The following NMNAT2 variants were observed in gnomAD, a reference collection of about 807,000 sequenced individuals.
The protein encoded by NMNAT2 is nicotinamide nucleotide adenylyltransferase 2, also known as nicotinamide/nicotinic acid mononucleotide adenylyltransferase 2.
Under a neutral mutation model 41.6 loss-of-function variants are expected in NMNAT2, and 11 were observed. The observed-to-expected ratio is 0.26, with a 90% confidence interval of 0.17 to 0.44. The LOEUF (loss-of-function observed/expected upper bound fraction) is 0.44. Among genes scored for constraint, NMNAT2 ranks in the 20% least tolerant of loss-of-function variants. The pLI, the probability that NMNAT2 is intolerant of heterozygous loss-of-function variation, is 1.00. For missense variants in NMNAT2, 288 were observed against 407.7 expected (o/e 0.71, Z 2.53); for synonymous variants, 148 against 151.2 (o/e 0.98, Z 0.16).
intron 1 of NMNAT2, among the ~76,000 whole-genome samples, chr1:183,384,192 C>A (rs767723827): frequency 2.0e-5 from 3 of 149,110 alleles, no homozygotes; most frequent in Non-Finnish European, 4.4e-5. Context: ...CAAGGAGGCG[C>A]TACACACTTT....
intron 2 of NMNAT2, 89 bp from the exon 3 acceptor site, chr1:183,292,946 G>C: frequency 1.6e-6 from 2 of 1,232,076 alleles, no homozygotes; most frequent in East Asian, 2.3e-5. Flanking sequence ...CATTGTTAAA[G>C]TGCAGCCATT....
chr1:183,341,846 A>G (rs537630), intron 1 of NMNAT2, among the ~76,000 whole-genome samples: 106,894 of 151,092 alleles, frequency 0.71, 37,964 homozygotes, highest in East Asian at 0.9. Context: ...TTTCAGGAGC[A>G]CACAGGAAAG....
At chr1:183,362,435 G>GGCCC (rs1363723202) in intron 1 of NMNAT2, among the ~76,000 whole-genome samples, 2 of 152,116 alleles carry the variant, frequency 1.3e-5, no homozygotes, top group African/African-American at 4.8e-5. Flanking sequence ...ACCGCCCCCT[G>GGCCC]GCCCTGCAGT....
chr1:183,397,370 G>GT (rs1648677670), intron 1 of NMNAT2, among the ~76,000 whole-genome samples: 1 of 152,100 alleles, frequency 6.6e-6, no homozygotes, highest in South Asian at 2.1e-4. Flanking sequence ...AGAAAAAAGA[G>GT]TAAAAAGAAA....
chr1:183,388,179 A>G (rs1365892835), intron 1 of NMNAT2, among the ~76,000 whole-genome samples: 3 of 152,214 alleles, frequency 2.0e-5, no homozygotes, highest in Non-Finnish European at 4.4e-5. Flanking sequence ...GAAACCATGG[A>G]CCTAACCATT....
At chr1:183,308,811 T>C (rs1177284709) in intron 1 of NMNAT2, among the ~76,000 whole-genome samples, 2 of 152,094 alleles carry the variant, frequency 1.3e-5, no homozygotes, top group Non-Finnish European at 2.9e-5. Context: ...GCTAGGGAGA[T>C]AAGCAAATGG....
intron 1 of NMNAT2, among the ~76,000 whole-genome samples, chr1:183,330,970 CCT>C (rs1246776694): frequency 6.6e-6 from 1 of 152,136 alleles, no homozygotes; most frequent in Non-Finnish European, 1.5e-5. Flanking sequence ...GAAGGAGCCT[CCT>C]CTGTTTCTTT....
rs5779162 is a variant in NMNAT2, at chr1:183,305,105, CT to C, written c.86-11313del. On this transcript the variant is annotated intron_variant, in intron 1 of 10. Coordinates refer to ENST00000287713, the MANE Select transcript of NMNAT2 (RefSeq NM_015039.4). ...GGAATTCGCCCATTGTTGAAAAAGC[CT>C]TTTTTTTTTTTTTGGTATTTATTTC... Among the ~76,000 whole-genome samples the C allele has an allele frequency of 5.1e-3, 717 of 140,062 alleles. 2 individuals carry two copies. Among genetic ancestry groups the C allele is most frequent in the Admixed American group, 0.014 (192 of 13,878 alleles). The allele number at this position is 140,062 out of a possible 152,430, so 91.9% of individuals were successfully genotyped here.
At chr1:183,262,837 CAGATGGGGGAAG>C (rs1188084778) in intron 8 of NMNAT2, among the ~76,000 whole-genome samples, 2 of 152,284 alleles carry the variant, frequency 1.3e-5, no homozygotes, top group Non-Finnish European at 2.9e-5. Context: ...TTACGGATCC[CAGATGGGGGAAG>C]AGGGGAGGAG....
chr1:183,293,912 T>C (rs1016663410), intron 1 of NMNAT2, 119 bp from the exon 2 acceptor site: 2 of 708,428 alleles, frequency 2.8e-6, no homozygotes, highest in East Asian at 2.8e-5. Flanking sequence ...TCTCTTGCCA[T>C]TTAAATAGAA....
chr1:183,257,402 T>C (rs958974567), intron 10 of NMNAT2, among the ~76,000 whole-genome samples: 23 of 152,056 alleles, frequency 1.5e-4, no homozygotes, highest in African/African-American at 5.6e-4. Context: ...GATCACGCTA[T>C]TGCACTCCAG....
At chr1:183,370,908 A>G (rs1209055951) in intron 1 of NMNAT2, among the ~76,000 whole-genome samples, 3 of 152,036 alleles carry the variant, frequency 2.0e-5, no homozygotes, top group African/African-American at 7.2e-5. Flanking sequence ...AGCCTCAGGG[A>G]GGGTTGAGGA....
At chr1:183,397,344 G>A (rs542445622) in intron 1 of NMNAT2, among the ~76,000 whole-genome samples, 17 of 152,148 alleles carry the variant, frequency 1.1e-4, no homozygotes, top group South Asian at 2.1e-4. Context: ...GAAATGAAGC[G>A]AGAAAAGAAC....
At chr1:183,381,082 G>C (rs545798851) in intron 1 of NMNAT2, among the ~76,000 whole-genome samples, 1 of 152,162 alleles carries the variant, frequency 6.6e-6, no homozygotes, top group Non-Finnish European at 1.5e-5. Context: ...GAATGAGGGA[G>C]AGATGGGATG....
At chr1:183,342,998 A>G (rs1662852457) in intron 1 of NMNAT2, among the ~76,000 whole-genome samples, 1 of 152,040 alleles carries the variant, frequency 6.6e-6, no homozygotes, top group African/African-American at 2.4e-5. Context: ...TCAACCTCCC[A>G]AAGTGCTGGG....
intron 1 of NMNAT2, among the ~76,000 whole-genome samples, chr1:183,354,815 A>T (rs188207379): frequency 6.6e-6 from 1 of 152,196 alleles, no homozygotes; most frequent in African/African-American, 2.4e-5. Context: ...ACTTCTCTCA[A>T]TCACCACAGG....
At chr1:183,280,635 A>G (rs1191591660) in intron 7 of NMNAT2, among the ~76,000 whole-genome samples, 1 of 151,860 alleles carries the variant, frequency 6.6e-6, no homozygotes, top group Non-Finnish European at 1.5e-5. Context: ...TGATCTGCCC[A>G]CCGTGGCCTC....
chr1:183,266,108 A>G (rs897456878), intron 8 of NMNAT2, among the ~76,000 whole-genome samples: 2 of 152,188 alleles, frequency 1.3e-5, no homozygotes, highest in African/African-American at 2.4e-5. Flanking sequence ...GGCCTTGCCA[A>G]CAACTTGGTT....
chr1:183,341,845 C>T (rs544843753), intron 1 of NMNAT2, among the ~76,000 whole-genome samples: 2 of 150,362 alleles, frequency 1.3e-5, no homozygotes, highest in Admixed American at 6.6e-5. Context: ...CTTTCAGGAG[C>T]ACACAGGAAA....
Sources: allele counts gnomAD v4.1 joint callset (sites outside exome capture counted in the v4.1 genomes callset), GRCh38; gene constraint gnomAD v4.1.1; transcripts MANE v1.5; gene names NCBI Gene and HGNC (gene_info 2026-07-23, HGNC 2026-07-21).